CHID1: variants seen among roughly 807,000 people sequenced by gnomAD.
CHID1 encodes chitinase domain-containing protein 1.
In CHID1, 44 loss-of-function variants were observed where a neutral mutation model predicts 55.4. That is an observed-to-expected ratio of 0.79 (90% confidence interval 0.62 to 1.02). The LOEUF is 1.02. Ranked by LOEUF, CHID1 falls within the 50% of genes least tolerant of loss-of-function variation. The pLI is 0.00. For missense variants in CHID1, 491 were observed against 515.3 expected (o/e 0.95, Z 0.46); for synonymous variants, 216 against 212.9 (o/e 1.01, Z -0.13).
intron 7 of CHID1, among the ~76,000 whole-genome samples, chr11:898,765 C>T (rs1260732239): frequency 6.6e-6 from 1 of 152,210 alleles, no homozygotes; most frequent in Non-Finnish European, 1.5e-5. Context: ...GGAGTGGGAA[C>T]CCGCGAGGGT....
In CHID1 at chr11:902,219, C is replaced by T. The variant is rs893907481; in HGVS notation, c.373G>A (p.Gly125Ser). The T allele has an allele frequency of 1.9e-6, 3 of 1,613,948 alleles. No homozygotes were observed. The highest frequency in any genetic ancestry group is 2.5e-6 in the Non-Finnish European group (3 of 1,179,996). ...RRGREMFEVT[G>S]LHDVDQGWMR... is the part of the protein sequence containing the mutation. ...GAACCTTGGTCCACGTCGTGGAGGCCCGTGACCTCAAACATCTCACGGCCA... is the reference window on the plus strand; with the variant it reads ...GAACCTTGGTCCACGTCGTGGAGGCTCGTGACCTCAAACATCTCACGGCCA... The change falls in exon 4 of 13, where the codon GGC becomes AGC. Residue 125 changes from glycine to serine, a missense_variant. Gly to Ser is a moderately conservative substitution (Grantham distance 56, BLOSUM62 0). Transcript: ENST00000323578.
At position 910,756 on chromosome 11, in the gene CHID1, C is replaced by G; in HGVS notation, c.-44+19G>C. The G allele has an allele frequency of 8.4e-7, 1 of 1,185,420 alleles. No individual in the cohort carries two copies. The highest frequency in any genetic ancestry group is 1.1e-6 in the Non-Finnish European group (1 of 942,588). The allele number at this position is 1,185,420 out of a possible 1,614,324, so 73.4% of individuals were successfully genotyped here. ...CCGTGCAAGGAGGAGGAGCAGGGGCCGGCCGCCGCGGGGCTCACCTGCATG... is the reference window on the plus strand; with the variant it reads ...CCGTGCAAGGAGGAGGAGCAGGGGCGGGCCGCCGCGGGGCTCACCTGCATG... On this transcript the variant is annotated intron_variant, in intron 1 of 12. Transcript: ENST00000323578.
At chr11:884,319 T>A (rs1850236670) in intron 8 of CHID1, 150 bp from the exon 9 acceptor site, 1 of 619,672 alleles carries the variant, frequency 1.6e-6, no homozygotes, top group African/African-American at 1.8e-5. Context: ...GCCTGCAGCT[T>A]GGTTGGGGCC....
intron 9 of CHID1, among the ~76,000 whole-genome samples, chr11:883,680 G>A (rs867859391): frequency 6.6e-6 from 1 of 152,258 alleles, no homozygotes; most frequent in South Asian, 2.1e-4. Flanking sequence ...ATGACACAGT[G>A]GGAAGGAGGT....
chr11:913,346 C>G (rs943267038), upstream of CHID1, among the ~76,000 whole-genome samples: 2 of 152,164 alleles, frequency 1.3e-5, no homozygotes, highest in African/African-American at 4.8e-5. Context: ...ACCCGAGATT[C>G]TGTTATCAAT....
chr11:910,895 G>T, upstream of CHID1: 2 of 1,022,088 alleles, frequency 2.0e-6, no homozygotes, highest in South Asian at 4.5e-5. Flanking sequence ...GGATGGAGAG[G>T]GGCTGGGCCA....
chr11:910,952 G>C (rs1420873282), upstream of CHID1: 5 of 434,804 alleles, frequency 1.1e-5, no homozygotes, highest in Non-Finnish European at 1.5e-5. Flanking sequence ...GCCGGGGCCG[G>C]GGCCGGGGCC....
chr11:881,898 C>T (rs368985044), intron 10 of CHID1, among the ~76,000 whole-genome samples: 3 of 150,218 alleles, frequency 2.0e-5, no homozygotes, highest in South Asian at 2.1e-4. Context: ...CAGCTATTTG[C>T]GAGGCTGAGG....
upstream of CHID1, among the ~76,000 whole-genome samples, chr11:913,330 T>C (rs1223654060): frequency 6.6e-6 from 1 of 152,188 alleles, no homozygotes; most frequent in African/African-American, 2.4e-5. Flanking sequence ...CATGAGTTAC[T>C]GAAGCACCCG....
chr11:891,709 C>G (rs1403274483), intron 8 of CHID1, among the ~76,000 whole-genome samples: 1 of 152,194 alleles, frequency 6.6e-6, no homozygotes, highest in Non-Finnish European at 1.5e-5. Context: ...CACCCAGCCC[C>G]AGGCCTGTAG....
chr11:874,213 G>C (rs928043089), intron 10 of CHID1, among the ~76,000 whole-genome samples: 1 of 152,218 alleles, frequency 6.6e-6, no homozygotes, highest in Non-Finnish European at 1.5e-5. Flanking sequence ...TGTAATCCCA[G>C]CACTTTGGGA....
intron 11 of CHID1, 24 bp from the exon 12 acceptor site, chr11:870,187 C>T (rs765170022): frequency 7.7e-5 from 125 of 1,613,012 alleles, no homozygotes; most frequent in Non-Finnish European, 1.1e-4. Context: ...GGACTGTCAG[C>T]CCATCCGCTC....
Position 903,047 on chromosome 11 carries a change from C to T in CHID1, c.176G>A (p.Ser59Asn), listed in dbSNP as rs148598758. ...GLVVTDLKAE[S>N]VVLEHRSYCS... ...GTAGCTGCGATGCTCAAGAACCACA[C>T]TCTCAGCTTTGAGGTCCGTCACCAC... The change falls in exon 3 of 13, where the codon AGT becomes AAT. Residue 59 changes from serine (S) to asparagine (N), a missense_variant. By Grantham distance (46) the Ser-to-Asn change is conservative. Coordinates refer to ENST00000323578, the MANE Select transcript of CHID1 (RefSeq NM_023947.4). The T allele has an allele frequency of 2.3e-5, 37 of 1,613,776 alleles. No homozygotes were observed. The highest frequency in any genetic ancestry group is 3.0e-5 in the Non-Finnish European group (35 of 1,180,018).
chr11:879,498 G>A (rs913622760), intron 10 of CHID1, among the ~76,000 whole-genome samples: 1 of 152,288 alleles, frequency 6.6e-6, no homozygotes, highest in African/African-American at 2.4e-5. Context: ...GAGGACACAG[G>A]GAGAAGGCAG....
At chr11:899,701 C>G (rs1851661666) in intron 6 of CHID1, among the ~76,000 whole-genome samples, 1 of 152,246 alleles carries the variant, frequency 6.6e-6, no homozygotes, top group Non-Finnish European at 1.5e-5. Context: ...ATACTGGCAG[C>G]CAGCAGGGCT....
In CHID1 at chr11:892,975, C is replaced by T. The variant is rs1462887910; in HGVS notation, c.701+452G>A. 2.0e-5 allele frequency among the ~76,000 whole-genome samples: 3 copies of T among 152,222 alleles called. No individual in the cohort carries two copies. In the East Asian group the frequency reaches 5.8e-4, roughly 29 times the overall value. On this transcript the variant is annotated intron_variant, in intron 8 of 12. Transcript: ENST00000323578. Reference sequence around the variant, plus strand: ...GGGTTTGGGGGTGCACCCAACCGCACACAGCGAGTGGCCCGCAGTCACCTC... The same window carrying T: ...GGGTTTGGGGGTGCACCCAACCGCATACAGCGAGTGGCCCGCAGTCACCTC...
chr11:914,448 G>A, upstream of CHID1: 28 of 1,058,312 alleles, frequency 2.6e-5, no homozygotes, highest in Non-Finnish European at 3.6e-5. Flanking sequence ...GCAGGCCGGT[G>A]GGGTGAGGAG....
intron 1 of CHID1, among the ~76,000 whole-genome samples, chr11:907,361 G>T (rs1228003934): frequency 6.6e-6 from 1 of 152,006 alleles, no homozygotes; most frequent in Non-Finnish European, 1.5e-5. Context: ...GGCGCCTGTA[G>T]TCCCAGCTAT....
upstream of CHID1, chr11:914,962 C>T (rs1442628557): frequency 9.9e-6 from 2 of 201,722 alleles, no homozygotes; most frequent in Non-Finnish European, 2.0e-5. Context: ...AAGGGCAGGA[C>T]CTGGGCCACT....
Sources: gnomAD v4.1 joint callset for allele counts (sites outside exome capture counted in the v4.1 genomes callset) on GRCh38, gnomAD v4.1.1 for gene constraint, MANE v1.5 for transcripts, NCBI Gene and HGNC (gene_info 2026-07-23, HGNC 2026-07-21) for gene names.